HMMR: variants seen among roughly 807,000 people sequenced by gnomAD.
HMMR encodes the protein hyaluronan mediated motility receptor.
Under a neutral mutation model 101.0 loss-of-function variants are expected in HMMR, and 108 were observed. The ratio of observed to expected loss-of-function variants is 1.07; its 90% CI spans 0.92 to 1.25. The LOEUF is 1.25. Ranked by LOEUF, HMMR falls within the 50% of genes most tolerant of loss-of-function variation. The pLI is 0.00. For synonymous variants in HMMR, 296 were observed against 276.4 expected, an observed-to-expected ratio of 1.07 and a Z score of -0.70; for missense variants, 813 against 788.7, an observed-to-expected ratio of 1.03 and a Z score of -0.37.
chr5:163,477,075 A>G (rs1303785125), intron 11 of HMMR, among the ~76,000 whole-genome samples: 1 of 152,150 alleles, frequency 6.6e-6, no homozygotes, highest in South Asian at 2.1e-4. Flanking sequence ...CCCGAACTCT[A>G]GTTCCTTATA....
chr5:163,473,345 G>A, intron 8 of HMMR, 34 bp from the exon 9 acceptor site: 1 of 1,565,378 alleles, frequency 6.4e-7, no homozygotes, highest in Non-Finnish European at 8.8e-7. Context: ...TGCCTAAATA[G>A]ATGTGCTTTT....
intron 5 of HMMR, among the ~76,000 whole-genome samples, chr5:163,470,229 A>G (rs1462369546): frequency 2.6e-5 from 4 of 152,174 alleles, no homozygotes; most frequent in Non-Finnish European, 5.9e-5. Context: ...TGTTAAGCAA[A>G]CATGTTTCAA....
intron 4 of HMMR, among the ~76,000 whole-genome samples, chr5:163,468,444 T>C (rs1372508892): frequency 6.6e-6 from 1 of 152,210 alleles, no homozygotes; most frequent in African/African-American, 2.4e-5. Context: ...CAGCTCACTG[T>C]GAACTTTGCT....
In HMMR at chr5:163,461,512, C is replaced by T. The variant is rs192122877; in HGVS notation, c.46+774C>T. Among the ~76,000 whole-genome samples the T allele has an allele frequency of 2.1e-3, 320 of 152,182 alleles. 1 individual carries two copies. The highest frequency in any genetic ancestry group is 7.4e-3 in the African/African-American group (306 of 41,522). ...CACTCATCATTTAAGATGCTGTATG[C>T]GGCCGGGCGCGGCGGCTCACGCCTG... On this transcript the variant is annotated intron_variant, in intron 1 of 17. Transcript: ENST00000393915.
At chr5:163,466,234 A>G (rs1432035480) in intron 3 of HMMR, among the ~76,000 whole-genome samples, 2 of 152,208 alleles carry the variant, frequency 1.3e-5, no homozygotes, top group Non-Finnish European at 2.9e-5. Flanking sequence ...GCACCACTGC[A>G]CTCCAGCCTG....
At chr5:163,473,296 T>C in intron 8 of HMMR, 43 bp downstream of exon 8, 1 of 1,469,656 alleles carries the variant, frequency 6.8e-7, no homozygotes, top group South Asian at 1.2e-5. Context: ...ATTTTTTTAA[T>C]ACTCAGTCAT....
chr5:163,461,909 A>T (rs1006204835), intron 1 of HMMR, among the ~76,000 whole-genome samples: 1 of 148,308 alleles, frequency 6.7e-6, no homozygotes, highest in Non-Finnish European at 1.5e-5. Flanking sequence ...GAGGTTTTGT[A>T]TCTTGCACAA....
Position 163,464,810 on chromosome 5 carries a change from G to C in HMMR, c.225+8G>C. On this transcript the variant is annotated splice_region_variant and intron_variant, in intron 3 of 17. Transcript: ENST00000393915. Reference sequence around the variant, plus strand: ...AAGTCTTCGGAATCAAAGGTGAGGAGCTTTTATATGCCAGCTGGTTTATCA... The same window carrying C: ...AAGTCTTCGGAATCAAAGGTGAGGACCTTTTATATGCCAGCTGGTTTATCA... 1 of 1,553,008 alleles carries C rather than the reference G, an allele frequency of 6.4e-7. No individual in the cohort carries two copies. Among genetic ancestry groups the C allele is most frequent in the Non-Finnish European group, 8.9e-7 (1 of 1,125,350 alleles).
Position 163,491,333 on chromosome 5 carries a change from T to C in HMMR, c.*169T>C, listed in dbSNP as rs1759689241. 5 of 503,136 alleles carry C rather than the reference T, an allele frequency of 9.9e-6. No individual in the cohort carries two copies. The highest frequency in any genetic ancestry group is 1.4e-5 in the Non-Finnish European group (4 of 287,242). 31.2% of individuals were successfully genotyped at this position (503,136 alleles called of 1,614,324 possible). On this transcript the variant is annotated 3_prime_UTR_variant, in exon 18 of 18. Transcript: ENST00000393915. ...CAAAGTGTCTTTTGACATTTTATTT[T>C]TTCTTGCAAATACCTCCTCCCTAAT...
At chr5:163,463,655 C>T (rs1004529791) in intron 1 of HMMR, among the ~76,000 whole-genome samples, 3 of 152,174 alleles carry the variant, frequency 2.0e-5, no homozygotes, top group Middle Eastern at 3.4e-3. Flanking sequence ...TCCTTTGACC[C>T]GGTTGATATA....
chr5:163,464,130 A>C (rs756342982), intron 2 of HMMR, among the ~76,000 whole-genome samples, 176 bp downstream of exon 2: 1 of 152,226 alleles, frequency 6.6e-6, no homozygotes, highest in South Asian at 2.1e-4. Flanking sequence ...TCATCATTAC[A>C]TTGTTATATA....
At chr5:163,482,420 C>G (rs2113503815) in intron 12 of HMMR, among the ~76,000 whole-genome samples, 1 of 152,256 alleles carries the variant, frequency 6.6e-6, no homozygotes, top group Middle Eastern at 3.4e-3. Flanking sequence ...CTTCCTGCAC[C>G]TAGTAGGCAC....
chr5:163,489,622 C>T (rs1229110778), intron 16 of HMMR, among the ~76,000 whole-genome samples: 1 of 152,054 alleles, frequency 6.6e-6, no homozygotes, highest in African/African-American at 2.4e-5. Context: ...GAACCATCCC[C>T]CTCATGAGCC....
chr5:163,480,677 G>A (rs1220591437), intron 12 of HMMR, among the ~76,000 whole-genome samples: 1 of 152,084 alleles, frequency 6.6e-6, no homozygotes, highest in Non-Finnish European at 1.5e-5. Context: ...CTTTGCCAAA[G>A]CTTGTTAGAC....
chr5:163,467,963 T>C (rs1253400420), intron 4 of HMMR, among the ~76,000 whole-genome samples: 1 of 152,236 alleles, frequency 6.6e-6, no homozygotes, highest in South Asian at 2.1e-4. Flanking sequence ...AGATTAAAGA[T>C]AGCCCACTTA....
chr5:163,463,287 T>C (rs963563360), intron 1 of HMMR, among the ~76,000 whole-genome samples: 3 of 152,230 alleles, frequency 2.0e-5, no homozygotes, highest in Non-Finnish European at 4.4e-5. Context: ...ATCTGTGAAA[T>C]GCTTAGCATA....
At chr5:163,461,083 TAAG>T (rs1238215223) in intron 1 of HMMR, among the ~76,000 whole-genome samples, 1 of 152,212 alleles carries the variant, frequency 6.6e-6, no homozygotes, top group African/African-American at 2.4e-5. Context: ...GCCTCACTGA[TAAG>T]AACACTGGAG....
At chr5:163,467,519 T>C (rs1224117325) in intron 3 of HMMR, among the ~76,000 whole-genome samples, 182 bp from the exon 4 acceptor site, 1 of 152,228 alleles carries the variant, frequency 6.6e-6, no homozygotes, top group Non-Finnish European at 1.5e-5. Flanking sequence ...TAAAATGTCT[T>C]GAGATTTTTA....
At chr5:163,476,633 A>G (rs572472695) in intron 11 of HMMR, among the ~76,000 whole-genome samples, 3 of 152,108 alleles carry the variant, frequency 2.0e-5, no homozygotes, top group Non-Finnish European at 4.4e-5. Flanking sequence ...GCAACGTAGC[A>G]CAAGATGCCA....
Sources: gnomAD v4.1 joint callset for allele counts (sites outside exome capture counted in the v4.1 genomes callset) on GRCh38, gnomAD v4.1.1 for gene constraint, MANE v1.5 for transcripts, NCBI Gene and HGNC (gene_info 2026-07-23, HGNC 2026-07-21) for gene names.